PROX2: variants seen among roughly 807,000 people sequenced by gnomAD.
The protein encoded by PROX2 is prospero homeobox protein 2.
A neutral mutation model predicts 48.9 loss-of-function variants in PROX2; 46 were observed. The ratio of observed to expected loss-of-function variants is 0.94; its 90% CI spans 0.74 to 1.20. The LOEUF (loss-of-function observed/expected upper bound fraction) is 1.20. PROX2 is among the 50% of genes most tolerant of loss of function. PROX2 has a pLI of 0.00. For synonymous variants in PROX2, 260 were observed against 276.6 expected (o/e 0.94, Z 0.60); for missense variants, 663 against 719.4 (o/e 0.92, Z 0.90).
chr14:74,854,854 G>A lies in PROX2; in HGVS notation c.*278C>T, dbSNP rs1296419711. 6 of 241,208 alleles carry A rather than the reference G, an allele frequency of 2.5e-5. No individual in the cohort carries two copies. The highest frequency in any genetic ancestry group is 1.1e-4 in the African/African-American group (5 of 44,678). The allele number at this position is 241,208 out of a possible 1,614,324, so 14.9% of individuals were successfully genotyped here. On this transcript the variant is annotated 3_prime_UTR_variant, in exon 6 of 6. Coordinates refer to ENST00000556489, the MANE Select transcript of PROX2 (RefSeq NM_001243007.2). ...GAAGTTCCCAGGGTCACAACACCTGGAAACAATGGAGTTGAGCTTCAAGTC... is the reference window on the plus strand; with the variant it reads ...GAAGTTCCCAGGGTCACAACACCTGAAAACAATGGAGTTGAGCTTCAAGTC...
At chr14:74,858,588 G>T (rs996427348) in intron 3 of PROX2, 74 bp from the exon 4 acceptor site, 29 of 792,456 alleles carry the variant, frequency 3.7e-5, no homozygotes, top group East Asian at 1.4e-4. Flanking sequence ...CCTTGTTCCT[G>T]TGGTTTCTAT....
chr14:74,864,073 G>C, intron 2 of PROX2, 65 bp from the exon 3 acceptor site: 1 of 362,980 alleles, frequency 2.8e-6, no homozygotes, highest in Non-Finnish European at 4.8e-6. Flanking sequence ...AAATGTGAAT[G>C]TGCAAACATT....
intron 1 of PROX2, among the ~76,000 whole-genome samples, chr14:74,875,354 A>T (rs544129547): frequency 6.6e-6 from 1 of 152,306 alleles, no homozygotes; most frequent in East Asian, 1.9e-4. Context: ...TTTATGGATG[A>T]GGAACCAGGA....
In PROX2 at chr14:74,862,606, G is replaced by C; in HGVS notation, c.1229C>G (p.Pro410Arg). The C allele has an allele frequency of 1.2e-6, 2 of 1,613,996 alleles. No individual in the cohort carries two copies. Among genetic ancestry groups the C allele is most frequent in the South Asian group, 1.1e-5 (1 of 91,086 alleles). The change falls in exon 3 of 6, where the codon CCC (proline) becomes CGC (arginine). Residue 410 changes from proline (P) to arginine (R), a missense_variant. Physicochemically the swap from Pro to Arg is moderately radical, Grantham distance 103. Coordinates refer to ENST00000556489, the MANE Select transcript of PROX2 (RefSeq NM_001243007.2). ...PFTSAHLESL[P>R]LLPSVKMEQR... ...TTCCATCTTCACCGAGGGAAGAAGGGGTAGACTTTCCAGATGGGCAGAGGT... is the reference window on the plus strand; with the variant it reads ...TTCCATCTTCACCGAGGGAAGAAGGCGTAGACTTTCCAGATGGGCAGAGGT...
intron 4 of PROX2, 59 bp downstream of exon 4, chr14:74,858,348 C>A: frequency 9.1e-7 from 1 of 1,102,098 alleles, no homozygotes; most frequent in Non-Finnish European, 1.4e-6. Flanking sequence ...TCACACCAGG[C>A]AAAACACACT....
In PROX2 at chr14:74,862,558, A is replaced by G. The variant is rs2091802744; in HGVS notation, c.1277T>C (p.Met426Thr). 1.7e-5 allele frequency: 28 copies of G among 1,613,808 alleles called. No homozygotes were observed. Among genetic ancestry groups the G allele is most frequent in the Non-Finnish European group, 2.4e-5 (28 of 1,179,842 alleles). Residue 426 changes from methionine to threonine, a missense_variant, in exon 3 of 6, where the codon ATG becomes ACG. Met to Thr is a moderately conservative substitution (Grantham distance 81). Coordinates refer to ENST00000556489, the MANE Select transcript of PROX2 (RefSeq NM_001243007.2). ...GACCAAAGAGAAAGGCAGTGCCTCC[A>G]TGACAGCATGCAGGCCTCTCTGTTC... The part of the protein sequence containing the change: ...KMEQRGLHAV[M>T]EALPFSLVHI...
chr14:74,868,293 A>G (rs1033904254), intron 2 of PROX2, among the ~76,000 whole-genome samples: 2 of 138,170 alleles, frequency 1.4e-5, no homozygotes, highest in South Asian at 4.7e-4. Context: ...ATGTACAGAG[A>G]AGTTTATAAT....
At chr14:74,874,177 A>T in intron 1 of PROX2, 1 of 488,498 alleles carries the variant, frequency 2.0e-6, no homozygotes. Flanking sequence ...ACATGTTGAA[A>T]AGAAAGCTGC....
chr14:74,871,477 T>C (rs1023133495), intron 1 of PROX2, among the ~76,000 whole-genome samples: 3 of 151,868 alleles, frequency 2.0e-5, no homozygotes, highest in African/African-American at 7.3e-5. Context: ...TTCAAGTATA[T>C]AATGGACGAC....
chr14:74,861,633 C>T (rs1594860041), intron 3 of PROX2, among the ~76,000 whole-genome samples: 1 of 152,284 alleles, frequency 6.6e-6, no homozygotes, highest in African/African-American at 2.4e-5. Flanking sequence ...TGGGGAGCCT[C>T]CTCTCCCTTC....
In PROX2 at chr14:74,855,091, C is replaced by G. The variant is rs2091731780; in HGVS notation, c.*41G>C. Reference sequence around the variant, plus strand: ...TTAAGACAAACCCAGGAAACCCTAGCCAGTCACTCCTCACGTTGTGGGATC... The same window carrying G: ...TTAAGACAAACCCAGGAAACCCTAGGCAGTCACTCCTCACGTTGTGGGATC... On this transcript the variant is annotated 3_prime_UTR_variant, in exon 6 of 6. Transcript: ENST00000556489. 2.2e-6 allele frequency: 3 copies of G among 1,382,090 alleles called. No homozygotes were observed. The highest frequency in any genetic ancestry group is 2.9e-5 in the African/African-American group (2 of 69,784). 85.6% of individuals were successfully genotyped at this position (1,382,090 alleles called of 1,614,324 possible).
chr14:74,858,452 T>G lies in PROX2; in HGVS notation c.1368A>C (p.Arg456=). ...CCTTCAGGAGGTTGGAGCTGGGATA[T>G]CGTGTGAAGAAAAACATTAGTTTGG... ...KKAKLMFFFT[R]YPSSNLLKVY... The change falls in exon 4 of 6, where the codon CGA becomes CGC. Residue 456 remains arginine, a synonymous_variant. Coordinates refer to ENST00000556489, the MANE Select transcript of PROX2 (RefSeq NM_001243007.2). The G allele has an allele frequency of 6.3e-7, 1 of 1,586,474 alleles. No individual in the cohort carries two copies. The highest frequency in any genetic ancestry group is 8.6e-7 in the Non-Finnish European group (1 of 1,165,128).
intron 2 of PROX2, among the ~76,000 whole-genome samples, chr14:74,868,835 CAAA>C (rs34902627): frequency 3.5e-5 from 5 of 141,278 alleles, no homozygotes; most frequent in Admixed American, 7.2e-5. Context: ...GACTCCGTCT[CAAA>C]AAAAAAAAAA....
In PROX2 at chr14:74,863,989, T is replaced by A; in HGVS notation, c.-155A>T. On this transcript the variant is annotated 5_prime_UTR_variant, in exon 3 of 6. An upstream start codon of the reference 5' UTR is lost. Coordinates refer to ENST00000556489, the MANE Select transcript of PROX2 (RefSeq NM_001243007.2). ...TCAGATTCTGGGATGCCAGGGCTCA[T>A]GAACCTCCTGGGCAGACTCCTGAAA... is the stretch of plus-strand genomic sequence containing the variant. 1.1e-6 allele frequency: 1 copy of A among 920,230 alleles called. No homozygotes were observed. 57.0% of individuals were successfully genotyped at this position (920,230 alleles called of 1,614,324 possible).
intron 1 of PROX2, chr14:74,873,610 C>T (rs746921806): frequency 1.8e-4 from 49 of 265,864 alleles, no homozygotes; most frequent in Non-Finnish European, 3.2e-4. Flanking sequence ...CTTCTGGCCC[C>T]GGCCAAGGTG....
chr14:74,860,051 T>G, intron 3 of PROX2, among the ~76,000 whole-genome samples: 1 of 152,262 alleles, frequency 6.6e-6, no homozygotes, highest in East Asian at 1.9e-4. Context: ...CTCATTAGTG[T>G]GTCTTGGGAC....
At chr14:74,858,607 A>T (rs2091766474) in intron 3 of PROX2, 93 bp from the exon 4 acceptor site, 3 of 735,106 alleles carry the variant, frequency 4.1e-6, no homozygotes, top group Non-Finnish European at 6.8e-6. Context: ...ATTTGATTTC[A>T]TTTTGTTTTT....
At chr14:74,866,861 G>A (rs1226865755) in intron 2 of PROX2, among the ~76,000 whole-genome samples, 5 of 152,184 alleles carry the variant, frequency 3.3e-5, no homozygotes, top group Non-Finnish European at 5.9e-5. Context: ...TGATAACAAT[G>A]TTGCTGCAGA....
At chr14:74,867,331 A>G (rs1318694160) in intron 2 of PROX2, among the ~76,000 whole-genome samples, 2 of 152,154 alleles carry the variant, frequency 1.3e-5, no homozygotes, top group East Asian at 3.9e-4. Context: ...GGCTCCTTCC[A>G]GCCTCCGTGT....
Sources: allele counts gnomAD v4.1 joint callset (sites outside exome capture counted in the v4.1 genomes callset), GRCh38; gene constraint gnomAD v4.1.1; transcripts MANE v1.5; gene names NCBI Gene and HGNC (gene_info 2026-07-23, HGNC 2026-07-21).